USP6: variants seen among roughly 807,000 people sequenced by gnomAD.
The protein encoded by USP6 is ubiquitin specific peptidase 6.
In USP6, 128 loss-of-function variants were observed where a neutral mutation model predicts 175.7. The observed-to-expected ratio is 0.73, with a 90% CI of 0.63 to 0.84. The LOEUF is 0.84. USP6 is among the 40% of genes least tolerant of loss of function. USP6 has a pLI of 0.00. For missense variants in USP6, 1,498 were observed against 1,760.3 expected, an observed-to-expected ratio of 0.85 and a Z score of 2.67; for synonymous variants, 562 against 630.6, an observed-to-expected ratio of 0.89 and a Z score of 1.63.
At chr17:5,127,437 C>G (rs896724238) in intron 6 of USP6, 67 bp from the exon 7 acceptor site, 1 of 152,244 alleles carries the variant, frequency 6.6e-6, no homozygotes, top group African/African-American at 2.4e-5. Flanking sequence ...CATACTGGTG[C>G]AACTTCTTCC....
chr17:5,143,932 GA>G (rs894117309), intron 25 of USP6, among the ~76,000 whole-genome samples: 1 of 150,764 alleles, frequency 6.6e-6, no homozygotes, highest in African/African-American at 2.4e-5. Context: ...TCTCCAAAAA[GA>G]AAAAAAAGTA....
rs918631456 is a variant in USP6 at position 5,136,825 on chromosome 17, T to C, written c.759+91T>C. 7.1e-6 allele frequency: 11 copies of C among 1,544,138 alleles called. No homozygotes were observed. In the African/African-American group the frequency reaches 1.1e-4, roughly 15 times the overall value. On this transcript the variant is annotated intron_variant, in intron 18 of 37. Transcript: ENST00000574788. ...GGACTGGAGTCCCTTGTGGGACTGGTGACTGGCGGAGTCCCAGCTAGGGCC... is the reference window on the plus strand; with the variant it reads ...GGACTGGAGTCCCTTGTGGGACTGGCGACTGGCGGAGTCCCAGCTAGGGCC...
chr17:5,152,026 A>G (rs1023929307), intron 30 of USP6, among the ~76,000 whole-genome samples: 1 of 152,082 alleles, frequency 6.6e-6, no homozygotes, highest in African/African-American at 2.4e-5. Context: ...GACGGGTCAC[A>G]AGGTCAGGAG....
chr17:5,154,722 T>TTCC (rs11454620), intron 30 of USP6, among the ~76,000 whole-genome samples: 11 of 150,038 alleles, frequency 7.3e-5, no homozygotes, highest in Non-Finnish European at 1.5e-4. Flanking sequence ...TTTTTTTTTT[T>TTCC]CCCCCCACTG....
rs1424861315 is a variant in USP6 at position 5,139,246 on chromosome 17, T to C, written c.1079-9T>C. On this transcript the variant is annotated splice_polypyrimidine_tract_variant and intron_variant, in intron 21 of 37. Coordinates refer to ENST00000574788, the MANE Select transcript of USP6 (RefSeq NM_001304284.2). The stretch of plus-strand genomic sequence containing the variant: ...CTGGAGATGCTGACCACGTCTGTTT[T>C]CCTTTCAGCCAAACGCGAGCAAGGG... The C allele has an allele frequency of 6.2e-7, 1 of 1,600,082 alleles. No individual in the cohort carries two copies. The highest frequency in any genetic ancestry group is 8.5e-7 in the Non-Finnish European group (1 of 1,179,958).
rs71151843 is a variant in USP6, at chr17:5,158,614, GGAGA to G, written c.2829-2859_2829-2856del. Among the ~76,000 whole-genome samples the G allele has an allele frequency of 9.2e-3, 241 of 26,318 alleles. 4 individuals carry two copies. The highest frequency in any genetic ancestry group is 0.042 in the Middle Eastern group (1 of 24). 17.3% of individuals were successfully genotyped at this position (26,318 alleles called of 152,430 possible). The stretch of plus-strand genomic sequence containing the variant: ...GAGAGAGAGAGAGAGAGGGAGAGGG[GGAGA>G]GAGAGAGAGAGAGAGAGAGAGAGAG... On this transcript the variant is annotated intron_variant, in intron 31 of 37. Coordinates refer to ENST00000574788, the MANE Select transcript of USP6 (RefSeq NM_001304284.2).
At position 5,132,905 on chromosome 17, in the gene USP6, G is replaced by C; in HGVS notation, c.196-5G>C. ...CCACTAACTCCAACATGCCTCATTT[G>C]ACAGAAAATTCGGCGGGAGATGACA... On this transcript the variant is annotated splice_region_variant and splice_polypyrimidine_tract_variant and intron_variant, in intron 12 of 37. Transcript: ENST00000574788. The surrounding 1 kb of genome is among the most constrained non-coding windows in gnomAD (Gnocchi z 4.7). 6.2e-7 allele frequency: 1 copy of C among 1,614,140 alleles called. No homozygotes were observed. Among genetic ancestry groups the C allele is most frequent in the Non-Finnish European group, 8.5e-7 (1 of 1,179,994 alleles).
chr17:5,165,458 A>G (rs1441707772), intron 33 of USP6, among the ~76,000 whole-genome samples: 3 of 152,064 alleles, frequency 2.0e-5, no homozygotes, highest in Non-Finnish European at 2.9e-5. Context: ...GTGTGCACCT[A>G]TAGTCCCAGC....
Position 5,162,970 on chromosome 17 carries a change from C to A in USP6, c.3002C>A (p.Ala1001Asp), listed in dbSNP as rs2074033581. Residue 1001 changes from alanine to aspartate, a missense_variant, in exon 33 of 38, where the codon GCC becomes GAC. Physicochemically the swap from Ala to Asp is moderately radical, Grantham distance 126. This residue lies in a region of USP6 where 1,217 missense variants were observed against 1,500.8 expected (regional missense o/e 0.81). Transcript: ENST00000574788. ...AYIAVDWHPT[A>D]LHLRYQTSQE... ...ATTGCTGTGGATTGGCACCCCACAG[C>A]CCTTCACCTTCGCTATCAAACATCC... 2.3e-5 allele frequency: 37 copies of A among 1,595,478 alleles called. No homozygotes were observed. Among genetic ancestry groups the A allele is most frequent in the Non-Finnish European group, 3.1e-5 (37 of 1,175,526 alleles).
At chr17:5,157,361 C>T (rs2073906443) in intron 31 of USP6, among the ~76,000 whole-genome samples, 1 of 152,226 alleles carries the variant, frequency 6.6e-6, no homozygotes, top group African/African-American at 2.4e-5. Context: ...GCTGGGATTA[C>T]AGGCATGAGC....
chr17:5,127,926 A>G (rs879811751), intron 7 of USP6, among the ~76,000 whole-genome samples: 8 of 152,180 alleles, frequency 5.3e-5, no homozygotes, highest in Non-Finnish European at 1.2e-4. Flanking sequence ...TTTTCTGAAT[A>G]TTTTCCATCT....
At position 5,145,559 on chromosome 17, in the gene USP6, A is replaced by G; in HGVS notation, c.2147A>G (p.Tyr716Cys). The change falls in exon 27 of 38, where the codon TAC becomes TGC. Residue 716 changes from tyrosine to cysteine, a missense_variant. By Grantham distance (194) the Tyr-to-Cys change is radical (BLOSUM62 -2). This residue lies in a region of USP6 where 1,217 missense variants were observed against 1,500.8 expected (regional missense o/e 0.81). Transcript: ENST00000574788. ...TCTTTGCCACTACCAATGGACAGTT[A>G]CATGGACTTAGAAATAACAGGTAGG... The part of the protein sequence containing the change: ...FLSLPLPMDS[Y>C]MDLEITVIKL... The G allele has an allele frequency of 6.2e-7, 1 of 1,601,716 alleles. No homozygotes were observed. The highest frequency in any genetic ancestry group is 1.1e-5 in the South Asian group (1 of 87,964).
intron 18 of USP6, 98 bp from the exon 19 acceptor site, chr17:5,137,023 A>C (rs984191801): frequency 2.2e-6 from 3 of 1,349,432 alleles, no homozygotes; most frequent in African/African-American, 1.4e-5. Flanking sequence ...GACACCGCCC[A>C]GTGTTCTGCA....
intron 31 of USP6, among the ~76,000 whole-genome samples, chr17:5,159,433 A>G (rs1248341993): frequency 6.6e-6 from 1 of 152,228 alleles, no homozygotes; most frequent in Non-Finnish European, 1.5e-5. Context: ...GTCACCAAGA[A>G]TAATAACAGG....
At chr17:5,161,731 T>C (rs1353293495) in intron 32 of USP6, 117 bp downstream of exon 32, 23 of 1,203,588 alleles carry the variant, frequency 1.9e-5, no homozygotes, top group Non-Finnish European at 2.3e-5. Flanking sequence ...ACTTAAGAAC[T>C]GTGGCTGGGC....
At chr17:5,144,226 A>G (rs948380758) in intron 25 of USP6, among the ~76,000 whole-genome samples, 3 of 152,116 alleles carry the variant, frequency 2.0e-5, no homozygotes, top group Admixed American at 6.5e-5. Context: ...ATTACATTAT[A>G]TAAAATAATA....
chr17:5,118,448 G>A (rs565923074), intron 2 of USP6, among the ~76,000 whole-genome samples, 158 bp downstream of exon 2: 22 of 152,364 alleles, frequency 1.4e-4, no homozygotes, highest in Admixed American at 1.0e-3. Context: ...TGGGGTCTGC[G>A]GTGCTGCCCA....
At chr17:5,168,173 A>G (rs2074135370) in intron 34 of USP6, 50 bp downstream of exon 34, 1 of 1,510,284 alleles carries the variant, frequency 6.6e-7, no homozygotes, top group South Asian at 1.3e-5. Flanking sequence ...CATAAAAGAA[A>G]GAAGACATGA....
Position 5,149,184 on chromosome 17 carries a change from C to A in USP6, c.2643+417C>A, listed in dbSNP as rs539735523. Among the ~76,000 whole-genome samples the A allele has an allele frequency of 3.3e-5, 5 of 152,166 alleles. No individual in the cohort carries two copies. The South Asian group carries it at 1.0e-3, about 32-fold the overall frequency. On this transcript the variant is annotated intron_variant, in intron 30 of 37. Transcript: ENST00000574788. ...TTGGGAGGCTGAAGCAGGTGGATCACCTGAGGTCAGGAGTTCGAGAACAGC... is the reference window on the plus strand; with the variant it reads ...TTGGGAGGCTGAAGCAGGTGGATCAACTGAGGTCAGGAGTTCGAGAACAGC...
Sources: gnomAD v4.1 joint callset for allele counts (sites outside exome capture counted in the v4.1 genomes callset) on GRCh38, gnomAD v4.1.1 for gene constraint, gnomAD v4.1.1 regional missense constraint, Gnocchi (gnomAD v3.1) non-coding constraint, MANE v1.5 for transcripts, NCBI Gene and HGNC (gene_info 2026-07-23, HGNC 2026-07-21) for gene names.